The following ACTR8 variants were observed in gnomAD, a reference collection of about 807,000 sequenced individuals.
ACTR8 encodes actin related protein 8, also known as actin-related protein 8.
ACTR8 carries 70 observed loss-of-function variants against 84.3 expected under a neutral mutation model. The observed-to-expected ratio is 0.83, with a 90% CI of 0.68 to 1.01. The LOEUF (loss-of-function observed/expected upper bound fraction) is 1.01. Ranked by LOEUF, ACTR8 falls within the 50% of genes least tolerant of loss-of-function variation. ACTR8 has a pLI of 0.00. For synonymous variants in ACTR8, 268 were observed against 275.2 expected, an observed-to-expected ratio of 0.97 and a Z score of 0.26; for missense variants, 672 against 775.4, an observed-to-expected ratio of 0.87 and a Z score of 1.58.
At chr3:53,859,650 T>C in the ACTR8 span, 1 of 153,110 alleles carries the variant, frequency 6.5e-6, no homozygotes, top group African/African-American at 2.4e-5. Flanking sequence ...CCAAAAAAAC[T>C]GGACAGAAAC....
intron 9 of ACTR8, 112 bp from the exon 10 acceptor site, chr3:53,872,636 T>C (rs2289203): frequency 0.29 from 375,583 of 1,295,038 alleles, 56,872 homozygotes; most frequent in East Asian, 0.42. Context: ...TTCCCTAAGT[T>C]AGACTGGGCA....
chr3:53,859,435 G>A, the ACTR8 span: 1 of 152,372 alleles, frequency 6.6e-6, no homozygotes, highest in Non-Finnish European at 1.5e-5. Flanking sequence ...AGACAACCCA[G>A]GTGACTGGCA....
chr3:53,872,540 AAG>A lies in ACTR8; in HGVS notation c.1162-18_1162-17del. 1 of 1,566,142 alleles carries A rather than the reference AAG, an allele frequency of 6.4e-7. No homozygotes were observed. The highest frequency in any genetic ancestry group is 8.6e-7 in the Non-Finnish European group (1 of 1,162,642). Reference sequence around the variant, plus strand: ...CCATTGGAGCCTGTACATGAAGAAAAAGAGTGATCAACAAAAGATACTGCATC... The same window carrying A: ...CCATTGGAGCCTGTACATGAAGAAAAAGTGATCAACAAAAGATACTGCATC... On this transcript the variant is annotated splice_polypyrimidine_tract_variant and intron_variant, in intron 9 of 12. Coordinates refer to ENST00000335754, the MANE Select transcript of ACTR8 (RefSeq NM_022899.5).
At chr3:53,865,480 C>T (rs66720724), downstream of ACTR8, 21,829 of 535,048 alleles carry the variant, frequency 0.041, 539 homozygotes, top group Middle Eastern at 0.081. Flanking sequence ...CATTAACTAA[C>T]GATTGGAAAC....
chr3:53,877,138 AAAC>A (rs1288275764), intron 5 of ACTR8, 73 bp downstream of exon 5: 5 of 1,423,850 alleles, frequency 3.5e-6, no homozygotes, highest in Non-Finnish European at 9.4e-7. Flanking sequence ...ACTATATTAC[AAAC>A]AACTCGGTAA....
At position 53,882,059 on chromosome 3, in the gene ACTR8, T is replaced by G; in HGVS notation, c.43A>C (p.Lys15Gln). The change falls in exon 1 of 13, where the codon AAG becomes CAG. Residue 15 changes from lysine (K) to glutamine (Q), a missense_variant. Coordinates refer to ENST00000335754, the MANE Select transcript of ACTR8 (RefSeq NM_022899.5). The stretch of plus-strand genomic sequence containing the variant: ...TGCTCCTTCTCCTTCTCGCCGCCCT[T>G]CTCCTTTCCGTTCTCCGTATCACCC... ...EKGDTENGKE[K>Q]GGEKEKEQRG... is the part of the protein sequence containing the mutation. 6.4e-7 allele frequency: 1 copy of G among 1,551,602 alleles called. No homozygotes were observed. The highest frequency in any genetic ancestry group is 8.7e-7 in the Non-Finnish European group (1 of 1,146,868).
intron 7 of ACTR8, among the ~76,000 whole-genome samples, chr3:53,875,520 CAAA>C (rs894317898): frequency 3.3e-5 from 5 of 152,182 alleles, no homozygotes; most frequent in African/African-American, 1.2e-4. Flanking sequence ...ACCACTATGA[CAAA>C]AAATGCAGAT....
chr3:53,881,251 G>A (rs1325730953), intron 1 of ACTR8, among the ~76,000 whole-genome samples: 2 of 152,164 alleles, frequency 1.3e-5, no homozygotes, highest in Non-Finnish European at 2.9e-5. Flanking sequence ...ATGAATTTCT[G>A]AGCAGTTTAT....
chr3:53,864,997 G>A (rs199637339), downstream of ACTR8: 35 of 1,614,050 alleles, frequency 2.2e-5, no homozygotes, highest in South Asian at 2.2e-4. Context: ...TTCCAATGAC[G>A]TCAACAGTGT....
At chr3:53,877,778 A>G in intron 3 of ACTR8, 27 bp from the exon 4 acceptor site, 1 of 1,594,038 alleles carries the variant, frequency 6.3e-7, no homozygotes, top group Non-Finnish European at 8.6e-7. Flanking sequence ...TCAGAAAATT[A>G]TCTCAATTTA....
intron 8 of ACTR8, among the ~76,000 whole-genome samples, chr3:53,873,961 A>G (rs990374746): frequency 1.3e-5 from 2 of 152,120 alleles, no homozygotes; most frequent in Non-Finnish European, 2.9e-5. Context: ...AGTAGCTGGG[A>G]CTACAGGTGC....
At chr3:53,878,643 C>CA (rs1368148138) in intron 2 of ACTR8, among the ~76,000 whole-genome samples, 176 bp from the exon 3 acceptor site, 1 of 152,138 alleles carries the variant, frequency 6.6e-6, no homozygotes, top group Non-Finnish European at 1.5e-5. Flanking sequence ...GGCAACATGG[C>CA]AAAACACCAT....
At chr3:53,861,787 G>A in the ACTR8 span, among the ~76,000 whole-genome samples, 1 of 152,172 alleles carries the variant, frequency 6.6e-6, no homozygotes, top group Non-Finnish European at 1.5e-5. Context: ...AATCACTGAG[G>A]AGAAAGGATA....
chr3:53,866,724 A>G (rs573259502), downstream of ACTR8, among the ~76,000 whole-genome samples: 26 of 151,970 alleles, frequency 1.7e-4, no homozygotes, highest in African/African-American at 6.0e-4. Context: ...CTCATGATCC[A>G]CCCACCTCAG....
chr3:53,869,900 A>G lies in ACTR8; in HGVS notation c.1731+82T>C, dbSNP rs1475382274. On this transcript the variant is annotated intron_variant, in intron 12 of 12. Coordinates refer to ENST00000335754, the MANE Select transcript of ACTR8 (RefSeq NM_022899.5). ...TCAAGAACTCCTCAGACACAAGCCC[A>G]TGCCTCCCAGGATTTGATCTGTCCA... The G allele has an allele frequency of 1.1e-5, 17 of 1,519,868 alleles. No individual in the cohort carries two copies. In the Middle Eastern group the frequency reaches 5.8e-4, roughly 52 times the overall value. The allele number at this position is 1,519,868 out of a possible 1,614,324, so 94.1% of individuals were successfully genotyped here. A position where few individuals can be genotyped will look rare whatever the true frequency, so the allele number is the denominator to read the frequency against.
chr3:53,876,927 A>G (rs888025040), intron 5 of ACTR8, among the ~76,000 whole-genome samples: 1 of 152,152 alleles, frequency 6.6e-6, no homozygotes, highest in Non-Finnish European at 1.5e-5. Flanking sequence ...AAACTTGTAA[A>G]ATCAAAAATA....
At chr3:53,866,012 T>C (rs1699768740), downstream of ACTR8, among the ~76,000 whole-genome samples, 1 of 152,256 alleles carries the variant, frequency 6.6e-6, no homozygotes, top group African/African-American at 2.4e-5. Flanking sequence ...ACTATTTAAC[T>C]TTTCATGTTC....
chr3:53,881,962 C>T lies in ACTR8; in HGVS notation c.123+17G>A, dbSNP rs767635635. 14 of 1,555,404 alleles carry T rather than the reference C, an allele frequency of 9.0e-6. No individual in the cohort carries two copies. The African/African-American group carries it at 1.6e-4, about 18-fold the overall frequency. Reference sequence around the variant, plus strand: ...CCCAAGCAAGGGCAAAGAGTTCCAACCCAGCCAGAGCCGCACCTCTTGCAG... The same window carrying T: ...CCCAAGCAAGGGCAAAGAGTTCCAATCCAGCCAGAGCCGCACCTCTTGCAG... On this transcript the variant is annotated intron_variant, in intron 1 of 12. Coordinates refer to ENST00000335754, the MANE Select transcript of ACTR8 (RefSeq NM_022899.5).
At chr3:53,864,510 G>A (rs1315302256), downstream of ACTR8, among the ~76,000 whole-genome samples, 3 of 152,140 alleles carry the variant, frequency 2.0e-5, no homozygotes, top group Admixed American at 2.0e-4. Context: ...ACTCCAGCCT[G>A]GGCGACAGAG....
Sources: gnomAD v4.1 joint callset for allele counts (sites outside exome capture counted in the v4.1 genomes callset) on GRCh38, gnomAD v4.1.1 for gene constraint, MANE v1.5 for transcripts, NCBI Gene and HGNC (gene_info 2026-07-23, HGNC 2026-07-21) for gene names.